Variants in ZNF215 observed in about 807,000 individuals in gnomAD.
ZNF215 encodes zinc finger protein 215, also known as BWSCR2-associated zinc finger protein 2.
In ZNF215, 24 loss-of-function variants were observed where a neutral mutation model predicts 27.2. The observed-to-expected ratio is 0.88, with a 90% CI of 0.64 to 1.24. ZNF215 has a LOEUF of 1.24. Ranked by LOEUF, ZNF215 falls within the 50% of genes most tolerant of loss-of-function variation. ZNF215 has a pLI of 0.00. For synonymous variants in ZNF215, 210 were observed against 204.0 expected (o/e 1.03, Z -0.25); for missense variants, 675 against 605.7 (o/e 1.11, Z -1.20).
chr11:6,989,182 T>TTAC (rs1401494405), downstream of ZNF215, among the ~76,000 whole-genome samples: 1 of 145,238 alleles, frequency 6.9e-6, no homozygotes. Context: ...AAAGGTATTA[T>TTAC]GTTGGTGCAA....
intron 2 of ZNF215, among the ~76,000 whole-genome samples, chr11:6,928,522 A>T (rs980292486): frequency 2.6e-5 from 4 of 152,014 alleles, no homozygotes; most frequent in African/African-American, 9.7e-5. Flanking sequence ...ACTCTTGAAT[A>T]TTTTTTGTTT....
intron 3 of ZNF215, among the ~76,000 whole-genome samples, chr11:6,937,636 A>T (rs1849484208): frequency 6.6e-6 from 1 of 151,898 alleles, no homozygotes; most frequent in African/African-American, 2.4e-5. Flanking sequence ...CTCACTAAAA[A>T]GCTGCAATAA....
At chr11:6,964,318 C>A (rs1398143763) in intron 5 of ZNF215, among the ~76,000 whole-genome samples, 1 of 151,866 alleles carries the variant, frequency 6.6e-6, no homozygotes, top group East Asian at 1.9e-4. Context: ...TCAATTGTTT[C>A]TCTCATTGAT....
downstream of ZNF215, among the ~76,000 whole-genome samples, chr11:6,992,871 C>A (rs1851131083): frequency 1.3e-5 from 2 of 151,226 alleles, no homozygotes; most frequent in Admixed American, 1.3e-4. Context: ...ATCGTAAAAC[C>A]AGCAAGGCAC....
downstream of ZNF215, chr11:6,988,327 C>T: frequency 1.1e-6 from 1 of 892,982 alleles, no homozygotes; most frequent in Admixed American, 6.2e-5. Context: ...TAAAGTAAGC[C>T]ACTCTCATTT....
intron 3 of ZNF215, among the ~76,000 whole-genome samples, chr11:6,938,879 T>C (rs1376409617): frequency 6.6e-6 from 1 of 152,166 alleles, no homozygotes; most frequent in Non-Finnish European, 1.5e-5. Flanking sequence ...ATAGCTAATA[T>C]GGTGAATTTT....
chr11:6,975,656 C>T (rs1038583841), intron 5 of ZNF215, among the ~76,000 whole-genome samples: 3 of 152,040 alleles, frequency 2.0e-5, no homozygotes, highest in Non-Finnish European at 1.5e-5. Context: ...CGGTTCTATC[C>T]ACATTGTTGC....
intron 6 of ZNF215, among the ~76,000 whole-genome samples, chr11:6,945,333 T>A (rs1336586828): frequency 2.0e-5 from 3 of 152,200 alleles, no homozygotes; most frequent in Admixed American, 6.5e-5. Context: ...TTTTTAAACT[T>A]TTCTGGTCGT....
downstream of ZNF215, among the ~76,000 whole-genome samples, chr11:6,990,971 A>G (rs1422379135): frequency 1.3e-5 from 2 of 152,260 alleles, no homozygotes; most frequent in African/African-American, 4.8e-5. Context: ...CAGTGACTGG[A>G]GAAGGCATTA....
At chr11:6,946,231 C>G (rs1292471107) in intron 6 of ZNF215, among the ~76,000 whole-genome samples, 2 of 152,186 alleles carry the variant, frequency 1.3e-5, no homozygotes, top group South Asian at 4.1e-4. Context: ...ATTGCCGCAA[C>G]TCCAATCTTG....
downstream of ZNF215, among the ~76,000 whole-genome samples, chr11:6,961,301 C>T (rs114786300): frequency 3.0e-4 from 45 of 152,058 alleles, no homozygotes; most frequent in African/African-American, 1.0e-3. Context: ...TCATTATGAC[C>T]CTGGAGCCAA....
chr11:6,990,775 C>A (rs1851106712), downstream of ZNF215, among the ~76,000 whole-genome samples: 1 of 134,852 alleles, frequency 7.4e-6, no homozygotes, highest in South Asian at 2.6e-4. Flanking sequence ...TGTGCGCACA[C>A]ACACAAAGGG....
Position 6,956,458 on chromosome 11 carries a change from A to T in ZNF215, c.1481A>T (p.Glu494Val). The T allele has an allele frequency of 6.2e-7, 1 of 1,614,148 alleles. No individual in the cohort carries two copies. Among genetic ancestry groups the T allele is most frequent in the South Asian group, 1.1e-5 (1 of 91,066 alleles). The change falls in exon 7 of 7, where the codon GAA (glutamate) becomes GTA (valine). Residue 494 changes from glutamate to valine, a missense_variant. Physicochemically the swap from Glu to Val is moderately radical, Grantham distance 121 (BLOSUM62 -2). Coordinates refer to ENST00000278319, the MANE Select transcript of ZNF215 (RefSeq NM_013250.4). The part of the protein sequence containing the change: ...HTGEKPFKCK[E>V]CSKAFNRSSN... ...GGAGAGAAACCATTCAAATGTAAGG[A>T]ATGTAGTAAAGCCTTCAACAGGAGT...
At chr11:6,992,733 A>C (rs1336323581), downstream of ZNF215, among the ~76,000 whole-genome samples, 1 of 152,206 alleles carries the variant, frequency 6.6e-6, no homozygotes, top group Non-Finnish European at 1.5e-5. Flanking sequence ...GGTCTGAACG[A>C]GTCATCCAGC....
intron 5 of ZNF215, among the ~76,000 whole-genome samples, chr11:6,973,539 C>T (rs1410528268): frequency 7.9e-5 from 12 of 152,096 alleles, no homozygotes; most frequent in Admixed American, 7.9e-4. Context: ...CCTATTTCTC[C>T]ACAACCTGTC....
intron 5 of ZNF215, among the ~76,000 whole-genome samples, chr11:6,966,845 T>C (rs1850630688): frequency 1.3e-5 from 2 of 152,056 alleles, no homozygotes; most frequent in South Asian, 4.2e-4. Flanking sequence ...AGTTCTGGGA[T>C]CCATGTGCAG....
At chr11:6,988,164 A>G (rs1851080074), downstream of ZNF215, 1 of 982,706 alleles carries the variant, frequency 1.0e-6, no homozygotes. Flanking sequence ...CTGTTCAATT[A>G]CCTTGTAGAG....
At position 6,994,129 on chromosome 11, in the gene ZNF215, G is replaced by A. The variant is rs367911256; in HGVS notation, c.*192+5809G>A. On this transcript the variant is annotated intron_variant and NMD_transcript_variant, in intron 6 of 6. Transcript: ENST00000636606. ...AGAGAAGCTTCCTTCAGGCATTATA[G>A]TGCTGTTGTCTTGTGAGTTCAGTAT... is the stretch of plus-strand genomic sequence containing the variant. 3.8e-4 allele frequency among the ~76,000 whole-genome samples: 58 copies of A among 151,888 alleles called. 1 individual carries two copies. The East Asian group carries it at 7.9e-3, about 21-fold the overall frequency.
intron 6 of ZNF215, among the ~76,000 whole-genome samples, chr11:6,949,865 G>A (rs1431523441): frequency 6.7e-6 from 1 of 150,366 alleles, no homozygotes; most frequent in African/African-American, 2.4e-5. Context: ...TATGGTTTCA[G>A]GTCTAACGTT....
Sources: gnomAD v4.1 joint callset for allele counts (sites outside exome capture counted in the v4.1 genomes callset) on GRCh38, gnomAD v4.1.1 for gene constraint, MANE v1.5 for transcripts, NCBI Gene and HGNC (gene_info 2026-07-23, HGNC 2026-07-21) for gene names.